AMBRA1: variants seen among roughly 807,000 people sequenced by gnomAD.
AMBRA1 encodes the protein autophagy and beclin 1 regulator 1, also known as activating molecule in BECN1-regulated autophagy protein 1.
Under a neutral mutation model 125.4 loss-of-function variants are expected in AMBRA1, and 47 were observed. The ratio of observed to expected loss-of-function variants is 0.37; its 90% CI spans 0.30 to 0.48. The LOEUF (loss-of-function observed/expected upper bound fraction) is 0.48, where lower values mean the gene tolerates loss of function less well. Ranked by LOEUF, AMBRA1 falls within the 20% of genes least tolerant of loss-of-function variation. The pLI is 0.99. For synonymous variants in AMBRA1, 626 were observed against 655.5 expected, an observed-to-expected ratio of 0.95 and a Z score of 0.69; for missense variants, 1,331 against 1,693.4, an observed-to-expected ratio of 0.79 and a Z score of 3.76.
At chr11:46,490,313 G>A (rs1818975539) in intron 11 of AMBRA1, among the ~76,000 whole-genome samples, 1 of 152,104 alleles carries the variant, frequency 6.6e-6, no homozygotes, top group Non-Finnish European at 1.5e-5. Context: ...ACCAATTGGA[G>A]GCTACCAGAA....
chr11:46,461,426 A>T (rs879780083), intron 11 of AMBRA1, among the ~76,000 whole-genome samples: 3 of 152,218 alleles, frequency 2.0e-5, no homozygotes, highest in Admixed American at 6.5e-5. Context: ...AAGTATTTTT[A>T]AAATTTCTCA....
At position 46,536,600 on chromosome 11, in the gene AMBRA1, CG is replaced by C. The variant is rs1390109957; in HGVS notation, c.2072+5344del. Among the ~76,000 whole-genome samples the C allele has an allele frequency of 3.3e-5, 5 of 152,144 alleles. No individual in the cohort carries two copies. The East Asian group carries it at 7.7e-4, about 23-fold the overall frequency. On this transcript the variant is annotated intron_variant, in intron 7 of 17. Transcript: ENST00000683756. ...GCTACTTTCCTCATTTTTAGGTTGC[CG>C]GCCCCCTTTTGTGGACCTACAATCA...
chr11:46,438,244 C>T (rs961354744), intron 12 of AMBRA1, among the ~76,000 whole-genome samples: 5 of 152,092 alleles, frequency 3.3e-5, no homozygotes, highest in South Asian at 2.1e-4. Flanking sequence ...GGGGCAGCTC[C>T]GGAGGGAGAA....
At chr11:46,572,196 G>A (rs2043790365) in intron 1 of AMBRA1, among the ~76,000 whole-genome samples, 1 of 152,102 alleles carries the variant, frequency 6.6e-6, no homozygotes, top group Non-Finnish European at 1.5e-5. Flanking sequence ...AGCTACTCGG[G>A]AGGCTAAGGC....
intron 1 of AMBRA1, among the ~76,000 whole-genome samples, chr11:46,552,591 G>A (rs893378569): frequency 6.0e-5 from 9 of 150,572 alleles, no homozygotes; most frequent in Non-Finnish European, 8.9e-5. Context: ...GGGCTGAGGC[G>A]GGAGAATCAC....
intron 17 of AMBRA1, among the ~76,000 whole-genome samples, chr11:46,406,372 TA>T (rs529275776): frequency 0.92 from 75,283 of 81,578 alleles, 34,969 homozygotes; most frequent in East Asian, 0.98. Context: ...ATCTTTAAAT[TA>T]AAAAAAAAAA....
intron 1 of AMBRA1, among the ~76,000 whole-genome samples, chr11:46,570,461 G>A (rs2043717660): frequency 6.6e-6 from 1 of 151,964 alleles, no homozygotes; most frequent in South Asian, 2.1e-4. Flanking sequence ...TCCTTCTTCA[G>A]GTAGAAATGT....
intron 9 of AMBRA1, among the ~76,000 whole-genome samples, chr11:46,499,090 G>T (rs1474574419): frequency 1.3e-5 from 2 of 152,190 alleles, no homozygotes; most frequent in South Asian, 4.1e-4. Context: ...AATAGCATAG[G>T]TCTCCTGGAA....
intron 15 of AMBRA1, among the ~76,000 whole-genome samples, chr11:46,415,546 C>G (rs1445912791): frequency 6.6e-6 from 1 of 152,218 alleles, no homozygotes; most frequent in African/African-American, 2.4e-5. Context: ...ATTGCTCACA[C>G]ACAGTCTTCC....
At chr11:46,466,902 CT>C (rs1949351470) in intron 11 of AMBRA1, among the ~76,000 whole-genome samples, 1 of 141,276 alleles carries the variant, frequency 7.1e-6, no homozygotes, top group Non-Finnish European at 1.5e-5. Flanking sequence ...ACTAATGTTT[CT>C]TTTTTTCTTT....
chr11:46,512,674 C>A (rs1951309717), intron 8 of AMBRA1, 53 bp downstream of exon 8: 8 of 1,518,064 alleles, frequency 5.3e-6, no homozygotes. Context: ...AGTGTGGCAA[C>A]CCCAAGGGCC....
intron 14 of AMBRA1, among the ~76,000 whole-genome samples, chr11:46,427,978 C>CTGCCTG (rs2136686790): frequency 1.4e-5 from 2 of 146,750 alleles, no homozygotes; most frequent in South Asian, 4.4e-4. Flanking sequence ...CACTGCACTC[C>CTGCCTG]TGCCTGGGCG....
chr11:46,438,781 A>ATTT (rs1303914451), intron 12 of AMBRA1, among the ~76,000 whole-genome samples: 1 of 152,222 alleles, frequency 6.6e-6, no homozygotes, highest in African/African-American at 2.4e-5. Context: ...CACTCTTAAA[A>ATTT]ATCATAGTGA....
intron 11 of AMBRA1, among the ~76,000 whole-genome samples, chr11:46,469,266 G>A (rs2136871805): frequency 6.6e-6 from 1 of 152,244 alleles, no homozygotes; most frequent in Admixed American, 6.5e-5. Flanking sequence ...GAACTCTCCA[G>A]CTCCTAATCT....
chr11:46,405,243 G>T (rs1254081744), intron 17 of AMBRA1, among the ~76,000 whole-genome samples: 1 of 152,194 alleles, frequency 6.6e-6, no homozygotes, highest in Non-Finnish European at 1.5e-5. Flanking sequence ...CCACAGGCTG[G>T]GCAAAGCCCC....
Position 46,525,470 on chromosome 11 carries a change from C to T in AMBRA1, c.2073-12657G>A, listed in dbSNP as rs146455320. Reference sequence around the variant, plus strand: ...AAAACTTAGATGTGTCAAGTCTGGGCGCGGTGGCTCATGCCTGTAATCCCA... The same window carrying T: ...AAAACTTAGATGTGTCAAGTCTGGGTGCGGTGGCTCATGCCTGTAATCCCA... On this transcript the variant is annotated intron_variant, in intron 7 of 17. Coordinates refer to ENST00000683756, the MANE Select transcript of AMBRA1 (RefSeq NM_001387011.1). Among the ~76,000 whole-genome samples the T allele has an allele frequency of 8.5e-5, 13 of 152,116 alleles. No homozygotes were observed. The South Asian group carries it at 1.9e-3, about 22-fold the overall frequency.
At chr11:46,547,695 A>T in intron 3 of AMBRA1, 122 bp downstream of exon 3, 1 of 930,992 alleles carries the variant, frequency 1.1e-6, no homozygotes, top group Non-Finnish European at 1.6e-6. Flanking sequence ...ACACGGGGCC[A>T]AAGTGCTGTT....
chr11:46,448,782 C>T (rs1948436778), intron 11 of AMBRA1, among the ~76,000 whole-genome samples: 1 of 152,106 alleles, frequency 6.6e-6, no homozygotes, highest in South Asian at 2.1e-4. Context: ...ATCCCATGGA[C>T]ACCAAAAGGA....
At chr11:46,584,887 C>G (rs2044311542) in intron 1 of AMBRA1, among the ~76,000 whole-genome samples, 1 of 152,152 alleles carries the variant, frequency 6.6e-6, no homozygotes, top group African/African-American at 2.4e-5. Flanking sequence ...GACTGGCCAA[C>G]ATGGTGAAAC....
Sources: allele counts gnomAD v4.1 joint callset (sites outside exome capture counted in the v4.1 genomes callset), GRCh38; gene constraint gnomAD v4.1.1; transcripts MANE v1.5; gene names NCBI Gene and HGNC (gene_info 2026-07-23, HGNC 2026-07-21).